The following PCYT2 variants were observed in gnomAD, a reference collection of about 807,000 sequenced individuals.
The protein encoded by PCYT2 is phosphate cytidylyltransferase 2, ethanolamine.
Under a neutral mutation model 50.0 loss-of-function variants are expected in PCYT2, and 33 were observed. The ratio of observed to expected loss-of-function variants is 0.66; its 90% CI spans 0.50 to 0.88. PCYT2 has a LOEUF of 0.88. Among genes scored for constraint, PCYT2 ranks in the 40% least tolerant of loss-of-function variants. PCYT2 has a pLI of 0.00. For synonymous variants in PCYT2, 240 were observed against 203.7 expected, an observed-to-expected ratio of 1.18 and a Z score of -1.52; for missense variants, 430 against 519.7, an observed-to-expected ratio of 0.83 and a Z score of 1.68.
chr17:81,909,993 T>C (rs543189487), intron 1 of PCYT2, among the ~76,000 whole-genome samples: 1 of 152,128 alleles, frequency 6.6e-6, no homozygotes, highest in Non-Finnish European at 1.5e-5. Flanking sequence ...ACTCTTGGGG[T>C]AGGGTTGGAT....
In PCYT2 at chr17:81,904,658, A is replaced by G. The variant is rs2040138506; in HGVS notation, c.*175T>C. The stretch of plus-strand genomic sequence containing the variant: ...CCCTCTCTGAGCAGCTTTGCTGGAA[A>G]GAGCGGAGAGCCTGCTGCAAACCAG... On this transcript the variant is annotated 3_prime_UTR_variant, in exon 13 of 13. Transcript: ENST00000538936. The G allele has an allele frequency of 1.7e-6, 1 of 587,428 alleles. No homozygotes were observed. Among genetic ancestry groups the G allele is most frequent in the Non-Finnish European group, 3.0e-6 (1 of 330,874 alleles). 36.4% of individuals were successfully genotyped at this position (587,428 alleles called of 1,614,324 possible). A position where few individuals can be genotyped will look rare whatever the true frequency, so the allele number is the denominator to read the frequency against.
At position 81,902,022 on chromosome 17, in the gene PCYT2, G is replaced by T. The variant is rs769136379; in HGVS notation, c.*2811C>A. Reference sequence around the variant, plus strand: ...CCTGAAGGGCGCGAGCGGCATGGGTGGGGAGCTTGAGGGGGCGTTGGGCTC... The same window carrying T: ...CCTGAAGGGCGCGAGCGGCATGGGTTGGGAGCTTGAGGGGGCGTTGGGCTC... On this transcript the variant is annotated 3_prime_UTR_variant, in exon 13 of 13. Transcript: ENST00000538936. 1.9e-5 allele frequency: 5 copies of T among 258,888 alleles called. No homozygotes were observed. The highest frequency in any genetic ancestry group is 7.6e-5 in the East Asian group (1 of 13,114). 16.0% of individuals were successfully genotyped at this position (258,888 alleles called of 1,614,324 possible).
rs759335237 is a variant in PCYT2, at chr17:81,905,436, C to T, written c.915G>A (p.Val305=). 17 of 1,565,744 alleles carry T rather than the reference C, an allele frequency of 1.1e-5. No individual in the cohort carries two copies. Among genetic ancestry groups the T allele is most frequent in the African/African-American group, 4.1e-5 (3 of 73,574 alleles). ...GGATAATTTCTGTCTTGCCGTGACA[C>T]ACCAGGTCCACCTGGAGAAGGAGTG... ...ELLSHFKVDL[V]CHGKTEIIPD... is the part of the protein sequence containing the mutation. Residue 305 remains valine (V), a synonymous_variant, in exon 11 of 13, where the codon GTG becomes GTA. Coordinates refer to ENST00000538936, the MANE Select transcript of PCYT2 (RefSeq NM_002861.5).
intron 3 of PCYT2, 62 bp from the exon 4 acceptor site, chr17:81,908,696 C>T (rs1460212813): frequency 2.0e-6 from 3 of 1,481,068 alleles, no homozygotes; most frequent in East Asian, 2.3e-5. Context: ...CTTCAGAGCC[C>T]AGGACCCTCT....
intron 4 of PCYT2, among the ~76,000 whole-genome samples, chr17:81,908,074 G>A (rs2040374731): frequency 6.6e-6 from 1 of 152,190 alleles, no homozygotes; most frequent in Admixed American, 6.5e-5. Context: ...GGAGTGGCAG[G>A]AGCACAGAAA....
rs141170809 is a variant in PCYT2, at chr17:81,909,495, C to T, written c.178+19G>A. Reference sequence around the variant, plus strand: ...GGAGGGCTGGGGGGCCGCGGGTGGGCGAGGCCATCTGTGCTTACCATCGGT... The same window carrying T: ...GGAGGGCTGGGGGGCCGCGGGTGGGTGAGGCCATCTGTGCTTACCATCGGT... On this transcript the variant is annotated intron_variant, in intron 2 of 12. Transcript: ENST00000538936. 2.5e-4 allele frequency: 394 copies of T among 1,604,120 alleles called. 1 individual carries two copies. The highest frequency in any genetic ancestry group is 3.1e-4 in the Non-Finnish European group (360 of 1,171,912).
At position 81,906,566 on chromosome 17, in the gene PCYT2, C is replaced by T; in HGVS notation, c.677-20G>A. 1.2e-6 allele frequency: 2 copies of T among 1,611,274 alleles called. No homozygotes were observed. The highest frequency in any genetic ancestry group is 1.1e-5 in the South Asian group (1 of 91,044). On this transcript the variant is annotated intron_variant, in intron 7 of 12. Transcript: ENST00000538936. ...CGATGTCTGCACCCAGGTTAAGAAGCAGTCGGGATGGGGATGACAGGGAGC... is the reference window on the plus strand; with the variant it reads ...CGATGTCTGCACCCAGGTTAAGAAGTAGTCGGGATGGGGATGACAGGGAGC...
rs1406464948 is a variant in PCYT2 at position 81,903,368 on chromosome 17, T to A, written c.*1465A>T. The A allele has an allele frequency of 6.6e-6, 1 of 152,450 alleles. No homozygotes were observed. Among genetic ancestry groups the A allele is most frequent in the South Asian group, 2.1e-4 (1 of 4,844 alleles). The allele number at this position is 152,450 out of a possible 1,614,324, so 9.4% of individuals were successfully genotyped here. A position where few individuals can be genotyped will look rare whatever the true frequency, so the allele number is the denominator to read the frequency against. On this transcript the variant is annotated 3_prime_UTR_variant, in exon 13 of 13. Coordinates refer to ENST00000538936, the MANE Select transcript of PCYT2 (RefSeq NM_002861.5). ...AGATGGGTAGGTTCTCCCTCCGCCGTTGGGTGTGACTCCGGAACTGGCTTG... is the reference window on the plus strand; with the variant it reads ...AGATGGGTAGGTTCTCCCTCCGCCGATGGGTGTGACTCCGGAACTGGCTTG...
At chr17:81,909,221 C>G in intron 2 of PCYT2, 184 bp from the exon 3 acceptor site, 1 of 1,432,900 alleles carries the variant, frequency 7.0e-7, no homozygotes, top group Non-Finnish European at 9.1e-7. Context: ...GCGAGGGTCT[C>G]AGGCAAAGGC....
chr17:81,908,334 A>T (rs1423529992), intron 4 of PCYT2, among the ~76,000 whole-genome samples: 1 of 152,208 alleles, frequency 6.6e-6, no homozygotes, highest in Non-Finnish European at 1.5e-5. Flanking sequence ...GCCACCTCAC[A>T]AAGCTGTGCC....
chr17:81,910,548 G>A (rs1205170679), intron 1 of PCYT2, among the ~76,000 whole-genome samples: 2 of 152,224 alleles, frequency 1.3e-5, no homozygotes, highest in Non-Finnish European at 2.9e-5. Context: ...GAATGGGGCT[G>A]GGGCCTGGTC....
At position 81,902,613 on chromosome 17, in the gene PCYT2, C is replaced by T. The variant is rs746501080; in HGVS notation, c.*2220G>A. The T allele has an allele frequency of 1.3e-6, 2 of 1,577,174 alleles. No homozygotes were observed. The highest frequency in any genetic ancestry group is 1.1e-5 in the South Asian group (1 of 86,974). ...GGCCCCTCAGCCTTTGCTTGCCTGC[C>T]CCCCAGGCTGTGTGCGTCCAGGACG... is the stretch of plus-strand genomic sequence containing the variant. On this transcript the variant is annotated 3_prime_UTR_variant, in exon 13 of 13. Transcript: ENST00000538936.
At position 81,902,383 on chromosome 17, in the gene PCYT2, T is replaced by C; in HGVS notation, c.*2450A>G. 3 of 1,343,008 alleles carry C rather than the reference T, an allele frequency of 2.2e-6. No individual in the cohort carries two copies. Among genetic ancestry groups the C allele is most frequent in the Non-Finnish European group, 2.8e-6 (3 of 1,054,250 alleles). The allele number at this position is 1,343,008 out of a possible 1,614,324, so 83.2% of individuals were successfully genotyped here. ...GCCAGCGGCGGGGCACAGCTCCTAC[T>C]CGGTGGGCCGCGCCGCGGGGCTGCT... is the stretch of plus-strand genomic sequence containing the variant. On this transcript the variant is annotated 3_prime_UTR_variant, in exon 13 of 13. Coordinates refer to ENST00000538936, the MANE Select transcript of PCYT2 (RefSeq NM_002861.5).
Position 81,905,870 on chromosome 17 carries a change from G to C in PCYT2, c.838-135C>G, listed in dbSNP as rs1297816882. On this transcript the variant is annotated intron_variant, in intron 9 of 12. Transcript: ENST00000538936. Reference sequence around the variant, plus strand: ...AGCAGGGATGGGCTGGGCAGGCTGGGGACCCCTGGGGCTCCTCCATGAGAC... The same window carrying C: ...AGCAGGGATGGGCTGGGCAGGCTGGCGACCCCTGGGGCTCCTCCATGAGAC... The C allele has an allele frequency of 5.4e-6, 5 of 927,032 alleles. No individual in the cohort carries two copies. In the East Asian group the frequency reaches 9.8e-5, roughly 18 times the overall value. 57.4% of individuals were successfully genotyped at this position (927,032 alleles called of 1,614,324 possible). A position where few individuals can be genotyped will look rare whatever the true frequency, so the allele number is the denominator to read the frequency against.
At chr17:81,905,193 G>A (rs757698242) in intron 11 of PCYT2, 39 bp from the exon 12 acceptor site, 4 of 1,542,824 alleles carry the variant, frequency 2.6e-6, no homozygotes, top group African/African-American at 2.7e-5. Flanking sequence ...GAAGGTCCCT[G>A]CTGACCTCCC....
rs527752039 is a variant in PCYT2 at position 81,909,670 on chromosome 17, G to A, written c.90-68C>T. 2.9e-4 allele frequency: 366 copies of A among 1,253,116 alleles called. No individual in the cohort carries two copies. In the Middle Eastern group the frequency reaches 4.5e-3, roughly 15 times the overall value. 77.6% of individuals were successfully genotyped at this position (1,253,116 alleles called of 1,614,324 possible). A position where few individuals can be genotyped will look rare whatever the true frequency, so the allele number is the denominator to read the frequency against. On this transcript the variant is annotated intron_variant, in intron 1 of 12. Transcript: ENST00000538936. ...GGGACCAGGTGTCCCTGTGGGTTAGGGGCAGAGCTTTGCTCCTCTGAGGAC... is the reference window on the plus strand; with the variant it reads ...GGGACCAGGTGTCCCTGTGGGTTAGAGGCAGAGCTTTGCTCCTCTGAGGAC...
Position 81,906,009 on chromosome 17 carries a change from C to A in PCYT2, c.837+91G>T, listed in dbSNP as rs1293067558. On this transcript the variant is annotated intron_variant, in intron 9 of 12. Coordinates refer to ENST00000538936, the MANE Select transcript of PCYT2 (RefSeq NM_002861.5). ...GGTGCAGCTCTGCCAGTGACCCAAGCCCCCCTGCCCTGGCTCAGGGAGGCC... is the reference window on the plus strand; with the variant it reads ...GGTGCAGCTCTGCCAGTGACCCAAGACCCCCTGCCCTGGCTCAGGGAGGCC... The A allele has an allele frequency of 3.4e-6, 4 of 1,172,256 alleles. No homozygotes were observed. In the Admixed American group the frequency reaches 8.9e-5, roughly 26 times the overall value. 72.6% of individuals were successfully genotyped at this position (1,172,256 alleles called of 1,614,324 possible). A position where few individuals can be genotyped will look rare whatever the true frequency, so the allele number is the denominator to read the frequency against.
At chr17:81,907,132 G>T in intron 6 of PCYT2, 1 of 1,306,294 alleles carries the variant, frequency 7.7e-7, no homozygotes, top group Non-Finnish European at 1.0e-6. Flanking sequence ...CCAGGAGGAG[G>T]CAAGGAGCCC....
At chr17:81,910,057 C>G (rs1027754989) in intron 1 of PCYT2, among the ~76,000 whole-genome samples, 6 of 152,212 alleles carry the variant, frequency 3.9e-5, no homozygotes, top group Non-Finnish European at 7.3e-5. Context: ...CAAAACAAAT[C>G]CAACCACAAA....
Sources: gnomAD v4.1 joint callset for allele counts (sites outside exome capture counted in the v4.1 genomes callset) on GRCh38, gnomAD v4.1.1 for gene constraint, MANE v1.5 for transcripts, NCBI Gene and HGNC (gene_info 2026-07-23, HGNC 2026-07-21) for gene names.